Variants in DIP2B observed in about 807,000 individuals in gnomAD.
The protein encoded by DIP2B is DIP2 acetate--CoA ligase B (putative), also known as disco-interacting protein 2 homolog B.
A neutral mutation model predicts 198.0 loss-of-function variants in DIP2B; 76 were observed. The ratio of observed to expected loss-of-function variants is 0.38; its 90% confidence interval spans 0.32 to 0.46. DIP2B has a LOEUF of 0.46. DIP2B is among the 20% of genes least tolerant of loss of function. The probability of loss-of-function intolerance (pLI) is 0.99; values close to 1 mark genes in which losing one functional copy is unlikely to be tolerated. For synonymous variants in DIP2B, 701 were observed against 739.1 expected, an observed-to-expected ratio of 0.95 and a Z score of 0.84; for missense variants, 1,559 against 1,978.4, an observed-to-expected ratio of 0.79 and a Z score of 4.02.
intron 9 of DIP2B, among the ~76,000 whole-genome samples, chr12:50,681,019 G>T (rs1939031156): frequency 6.6e-6 from 1 of 152,118 alleles, no homozygotes; most frequent in South Asian, 2.1e-4. Flanking sequence ...CTAATAAAAA[G>T]AAAGAGAAAC....
chr12:50,728,482 CGTCAGAGCTGTT>C (rs1939977019), intron 29 of DIP2B, 54 bp from the exon 30 acceptor site: 2 of 1,550,600 alleles, frequency 1.3e-6, no homozygotes, highest in African/African-American at 2.7e-5. Flanking sequence ...TCAAAGCTGT[CGTCAGAGCTGTT>C]ACTCTGCCTG....
Position 50,610,510 on chromosome 12 carries a change from C to CTT in DIP2B, c.101-15456_101-15455dup, listed in dbSNP as rs35602679. 5.8e-4 allele frequency among the ~76,000 whole-genome samples: 86 copies of CTT among 148,468 alleles called. 1 individual carries two copies. The highest frequency in any genetic ancestry group is 8.7e-4 in the Admixed American group (13 of 14,906). ...TTAGTGATATTGGAGATGTAAATAT[C>CTT]TTTTTTTTTTTGGAGACAGAGTCTT... On this transcript the variant is annotated intron_variant, in intron 1 of 37. Coordinates refer to ENST00000301180, the MANE Select transcript of DIP2B (RefSeq NM_173602.3).
chr12:50,536,592 G>C (rs1378809475), intron 1 of DIP2B, among the ~76,000 whole-genome samples: 5 of 147,508 alleles, frequency 3.4e-5, no homozygotes, highest in Admixed American at 1.4e-4. Flanking sequence ...TTTTGAGACA[G>C]GGTCTCACTT....
intron 1 of DIP2B, among the ~76,000 whole-genome samples, chr12:50,600,897 C>CCAT (rs1958929156): frequency 1.3e-5 from 1 of 74,108 alleles, no homozygotes; most frequent in Non-Finnish European, 2.2e-5. Context: ...ACCACCATCA[C>CCAT]CACCACCACC....
At chr12:50,510,876 C>T (rs1958008512) in intron 1 of DIP2B, among the ~76,000 whole-genome samples, 1 of 151,110 alleles carries the variant, frequency 6.6e-6, no homozygotes, top group Non-Finnish European at 1.5e-5. Context: ...AACTCCCGAC[C>T]TCAGGTGATC....
rs570416587 is a variant in DIP2B at position 50,737,206 on chromosome 12, C to G, written c.4176+96C>G. 106 of 1,190,528 alleles carry G rather than the reference C, an allele frequency of 8.9e-5. No individual in the cohort carries two copies. In the East Asian group the frequency reaches 1.7e-3, roughly 19 times the overall value. The allele number at this position is 1,190,528 out of a possible 1,614,324, so 73.7% of individuals were successfully genotyped here. On this transcript the variant is annotated intron_variant, in intron 35 of 37. Coordinates refer to ENST00000301180, the MANE Select transcript of DIP2B (RefSeq NM_173602.3). ...TCAGTAAAACTGTGGATTTAGCTTTCCCCCGTTGTGAATGGAGTTAATTTT... is the reference window on the plus strand; with the variant it reads ...TCAGTAAAACTGTGGATTTAGCTTTGCCCCGTTGTGAATGGAGTTAATTTT...
At chr12:50,554,679 A>G (rs911080380) in intron 1 of DIP2B, among the ~76,000 whole-genome samples, 2 of 151,812 alleles carry the variant, frequency 1.3e-5, no homozygotes, top group African/African-American at 4.8e-5. Flanking sequence ...CATCCTGTAT[A>G]TTCTGTGTCT....
intron 27 of DIP2B, among the ~76,000 whole-genome samples, chr12:50,723,839 A>G (rs1939884146): frequency 6.6e-6 from 1 of 152,248 alleles, no homozygotes; most frequent in African/African-American, 2.4e-5. Context: ...TTAAATGCCA[A>G]ACTGAATTAT....
At chr12:50,574,574 T>G (rs921132734) in intron 1 of DIP2B, among the ~76,000 whole-genome samples, 9 of 151,436 alleles carry the variant, frequency 5.9e-5, no homozygotes, top group Admixed American at 4.0e-4. Context: ...AACAGACTAT[T>G]TATCCCAAAT....
chr12:50,700,696 A>G (rs1014699461), intron 19 of DIP2B, among the ~76,000 whole-genome samples: 3 of 152,102 alleles, frequency 2.0e-5, no homozygotes, highest in African/African-American at 7.2e-5. Context: ...TCTCATAACT[A>G]TTACTACTGT....
chr12:50,737,316 A>G (rs1172305638), intron 35 of DIP2B, among the ~76,000 whole-genome samples: 1 of 152,194 alleles, frequency 6.6e-6, no homozygotes, highest in Non-Finnish European at 1.5e-5. Flanking sequence ...CAAACTGGAA[A>G]TGGTACCAGA....
chr12:50,509,012 A>C (rs926551091), intron 1 of DIP2B, among the ~76,000 whole-genome samples: 14 of 152,186 alleles, frequency 9.2e-5, no homozygotes, highest in African/African-American at 3.1e-4. Flanking sequence ...AAACAGTTCT[A>C]TACCACAGTG....
chr12:50,518,374 G>A (rs548991472), intron 1 of DIP2B, among the ~76,000 whole-genome samples: 2 of 151,984 alleles, frequency 1.3e-5, no homozygotes, highest in Non-Finnish European at 2.9e-5. Flanking sequence ...ACAGGCACCC[G>A]CTACCATGCC....
At chr12:50,644,746 A>G (rs1338545164) in intron 3 of DIP2B, among the ~76,000 whole-genome samples, 2 of 152,210 alleles carry the variant, frequency 1.3e-5, no homozygotes, top group Non-Finnish European at 2.9e-5. Context: ...AATGCCTGTG[A>G]CAGGGAAAAA....
At chr12:50,592,808 A>G (rs1305531549) in intron 1 of DIP2B, among the ~76,000 whole-genome samples, 8 of 152,162 alleles carry the variant, frequency 5.3e-5, no homozygotes, top group African/African-American at 1.9e-4. Flanking sequence ...TTCATAACTA[A>G]TAGTATGATG....
intron 1 of DIP2B, among the ~76,000 whole-genome samples, chr12:50,568,612 A>G (rs1263695694): frequency 2.0e-5 from 3 of 152,276 alleles, no homozygotes; most frequent in Admixed American, 2.0e-4. Context: ...GAAAATAGGC[A>G]GGAAACTCAG....
intron 2 of DIP2B, 24 bp from the exon 3 acceptor site, chr12:50,640,700 C>T (rs761976880): frequency 6.2e-7 from 1 of 1,609,986 alleles, no homozygotes; most frequent in South Asian, 1.1e-5. Context: ...ACTGGATAAC[C>T]ATCTTTTAAA....
At chr12:50,570,230 G>T (rs1035580030) in intron 1 of DIP2B, among the ~76,000 whole-genome samples, 1 of 151,934 alleles carries the variant, frequency 6.6e-6, no homozygotes, top group African/African-American at 2.4e-5. Context: ...GATCTCTTGG[G>T]GATTTGTCTT....
chr12:50,735,231 C>G (rs1940116262), intron 34 of DIP2B, 101 bp downstream of exon 34: 1 of 1,322,222 alleles, frequency 7.6e-7, no homozygotes, highest in Non-Finnish European at 1.1e-6. Context: ...CCAGGGCAAG[C>G]CTTAATTGAA....
Sources: gnomAD v4.1 joint callset for allele counts (sites outside exome capture counted in the v4.1 genomes callset) on GRCh38, gnomAD v4.1.1 for gene constraint, MANE v1.5 for transcripts, NCBI Gene and HGNC (gene_info 2026-07-23, HGNC 2026-07-21) for gene names.